Variants in DAB1 observed in about 807,000 individuals in gnomAD.
DAB1 encodes the protein DAB adaptor protein 1.
In DAB1, 15 loss-of-function variants were observed where a neutral mutation model predicts 64.6. That is an observed-to-expected ratio of 0.23 (90% CI 0.16 to 0.36). The LOEUF (loss-of-function observed/expected upper bound fraction) is 0.36, where lower values mean the gene tolerates loss of function less well. DAB1 is among the 10% of genes least tolerant of loss of function. The probability of loss-of-function intolerance (pLI) is 1.00; values close to 1 mark genes in which losing one functional copy is unlikely to be tolerated. For missense variants in DAB1, 596 were observed against 706.7 expected (o/e 0.84, Z 1.78); for synonymous variants, 235 against 251.9 (o/e 0.93, Z 0.64).
At chr1:58,481,195 A>T (rs989743243) in intron 3 of DAB1, 4 of 750,412 alleles carry the variant, frequency 5.3e-6, no homozygotes, top group African/African-American at 1.8e-5. Context: ...ATAATAAAAT[A>T]AAAAAATACT....
At chr1:57,527,104 T>C (rs1644602481) in intron 7 of DAB1, among the ~76,000 whole-genome samples, 1 of 152,152 alleles carries the variant, frequency 6.6e-6, no homozygotes. Flanking sequence ...ACTAGAGAAC[T>C]CTAATCTTAA....
intron 4 of DAB1, among the ~76,000 whole-genome samples, chr1:58,314,438 G>T (rs1569633734): frequency 1.3e-5 from 2 of 152,076 alleles, no homozygotes; most frequent in African/African-American, 2.4e-5. Flanking sequence ...GGATTCTCTG[G>T]TTTTTGCGCC....
chr1:58,395,630 G>A (rs1644514880), intron 3 of DAB1, among the ~76,000 whole-genome samples: 1 of 152,216 alleles, frequency 6.6e-6, no homozygotes, highest in African/African-American at 2.4e-5. Flanking sequence ...AAGCTGGCAA[G>A]CAAGAGCAAA....
intron 2 of DAB1, among the ~76,000 whole-genome samples, chr1:57,240,196 A>T (rs1668398947): frequency 6.6e-6 from 1 of 152,180 alleles, no homozygotes; most frequent in Admixed American, 6.6e-5. Context: ...GACCTGGGGC[A>T]AGAGAAAAGG....
intron 2 of DAB1, among the ~76,000 whole-genome samples, chr1:57,185,012 T>C (rs1341095752): frequency 6.6e-6 from 1 of 152,122 alleles, no homozygotes; most frequent in East Asian, 1.9e-4. Context: ...ATCCTGAGAT[T>C]GTCCTGGCAT....
chr1:57,821,457 A>G (rs1209295801), downstream of DAB1, among the ~76,000 whole-genome samples: 2 of 152,188 alleles, frequency 1.3e-5, no homozygotes, highest in Non-Finnish European at 2.9e-5. Flanking sequence ...TGTCACATCT[A>G]TGATGGTGGT....
intron 9 of DAB1, among the ~76,000 whole-genome samples, chr1:57,057,825 G>A (rs564759539): frequency 2.1e-4 from 32 of 152,058 alleles, no homozygotes; most frequent in South Asian, 1.9e-3. Flanking sequence ...AGCCAGGATG[G>A]TCTCGATCTC....
At chr1:58,534,549 T>A (rs1646486773) in intron 1 of DAB1, among the ~76,000 whole-genome samples, 1 of 152,238 alleles carries the variant, frequency 6.6e-6, no homozygotes, top group Non-Finnish European at 1.5e-5. Flanking sequence ...TAAGTTTTTT[T>A]ATGAATAGAT....
rs71800606 is a variant in DAB1, at chr1:57,072,064, TA to T, written c.438+218del. 0.031 allele frequency among the ~76,000 whole-genome samples: 4,303 copies of T among 139,288 alleles called. 183 individuals carry two copies. The highest frequency in any genetic ancestry group is 0.089 in the African/African-American group (3,360 of 37,902). The allele number at this position is 139,288 out of a possible 152,430, so 91.4% of individuals were successfully genotyped here. ...TAGTCATTAGGAAATACCCATTAGT[TA>T]AAAAAAAAAAAAAAAACAGAAAAAA... On this transcript the variant is annotated intron_variant, in intron 5 of 14. Coordinates refer to ENST00000371236, the MANE Select transcript of DAB1 (RefSeq NM_001365792.1).
At chr1:58,393,808 A>T (rs990085660) in intron 3 of DAB1, among the ~76,000 whole-genome samples, 2 of 152,228 alleles carry the variant, frequency 1.3e-5, no homozygotes, top group African/African-American at 4.8e-5. Context: ...GATCTATCAC[A>T]CAGAATAGTG....
At chr1:57,556,331 T>G (rs996975087) in intron 7 of DAB1, among the ~76,000 whole-genome samples, 1 of 152,196 alleles carries the variant, frequency 6.6e-6, no homozygotes, top group Non-Finnish European at 1.5e-5. Context: ...GGTTCTACTT[T>G]TAGTTCTTTA....
chr1:57,949,141 T>C (rs1227304369), intron 5 of DAB1, among the ~76,000 whole-genome samples: 1 of 151,976 alleles, frequency 6.6e-6, no homozygotes, highest in Non-Finnish European at 1.5e-5. Context: ...AGGGACAGAT[T>C]TTATGCAAGA....
chr1:57,610,180 G>A (rs1268897960), intron 7 of DAB1, among the ~76,000 whole-genome samples: 1 of 152,206 alleles, frequency 6.6e-6, no homozygotes, highest in African/African-American at 2.4e-5. Flanking sequence ...TGAGCACACA[G>A]TAGGCTTGTA....
chr1:57,576,973 G>A (rs1645257328), intron 7 of DAB1, among the ~76,000 whole-genome samples: 1 of 152,172 alleles, frequency 6.6e-6, no homozygotes, highest in South Asian at 2.1e-4. Context: ...AACCTGACTT[G>A]AAAGGGTTTA....
chr1:57,236,993 T>G (rs554689), intron 2 of DAB1, among the ~76,000 whole-genome samples: 90,619 of 152,050 alleles, frequency 0.6, 27,919 homozygotes, highest in East Asian at 0.77. Context: ...TAATTTAAAT[T>G]TACATCTAAA....
intron 6 of DAB1, among the ~76,000 whole-genome samples, chr1:57,703,764 A>G (rs1013790264): frequency 2.0e-5 from 3 of 150,090 alleles, no homozygotes; most frequent in African/African-American, 7.6e-5. Flanking sequence ...TGTTCACAAT[A>G]TCAAAGACAT....
intron 1 of DAB1, among the ~76,000 whole-genome samples, chr1:57,341,649 T>C (rs996823794): frequency 5.3e-5 from 8 of 152,146 alleles, no homozygotes; most frequent in Non-Finnish European, 8.8e-5. Context: ...TCTTTCTTTT[T>C]TTGAGCTGTT....
rs151109477 is a variant in DAB1, at chr1:58,448,509, A to T, written n.257+57551T>A. On this transcript the variant is annotated intron_variant and non_coding_transcript_variant, in intron 3 of 20. Transcript: ENST00000485760. The stretch of plus-strand genomic sequence containing the variant: ...TGTGCTTTTCTCTTTATACTGAAGC[A>T]TGCAGTGAAGACTGGACCAGATCCA... Among the ~76,000 whole-genome samples, 188 of 152,310 alleles carry T rather than the reference A, an allele frequency of 1.2e-3. 1 individual carries two copies. Among genetic ancestry groups the T allele is most frequent in the African/African-American group, 4.3e-3 (180 of 41,572 alleles).
At chr1:58,126,962 G>A (rs1006729440) in intron 5 of DAB1, among the ~76,000 whole-genome samples, 2 of 148,182 alleles carry the variant, frequency 1.3e-5, no homozygotes, top group Non-Finnish European at 3.0e-5. Flanking sequence ...ATAGTCATTT[G>A]GGTATATACC....
Sources: allele counts gnomAD v4.1 joint callset (sites outside exome capture counted in the v4.1 genomes callset), GRCh38; gene constraint gnomAD v4.1.1; transcripts MANE v1.5; gene names NCBI Gene and HGNC (gene_info 2026-07-23, HGNC 2026-07-21).